Variants in WASHC4 observed in about 807,000 individuals in gnomAD.
The protein encoded by WASHC4 is WASH complex subunit 7.
A neutral mutation model predicts 166.6 loss-of-function variants in WASHC4; 86 were observed. The observed-to-expected ratio is 0.52, with a 90% CI of 0.43 to 0.62. WASHC4 has a LOEUF of 0.62. Ranked by LOEUF, WASHC4 falls within the 20% of genes least tolerant of loss-of-function variation. The pLI is 0.00. For synonymous variants in WASHC4, 446 were observed against 451.6 expected (o/e 0.99, Z 0.16); for missense variants, 1,262 against 1,382.4 (o/e 0.91, Z 1.38).
chr12:105,137,058 C>T (rs549754518), intron 14 of WASHC4, among the ~76,000 whole-genome samples: 1 of 152,172 alleles, frequency 6.6e-6, no homozygotes, highest in Non-Finnish European at 1.5e-5. Context: ...CCTTGCTAAA[C>T]TGTACATGTG....
chr12:105,166,987 GC>G lies in WASHC4; in HGVS notation c.*58del. 8.2e-7 allele frequency: 1 copy of G among 1,217,654 alleles called. No individual in the cohort carries two copies. Among genetic ancestry groups the G allele is most frequent in the Non-Finnish European group, 1.2e-6 (1 of 828,374 alleles). The allele number at this position is 1,217,654 out of a possible 1,614,324, so 75.4% of individuals were successfully genotyped here. ...AATCATCAGAATTGTTAAAACTTTT[GC>G]CAGTGGAATGGATAAACTATTGATG... On this transcript the variant is annotated 3_prime_UTR_variant, in exon 33 of 33. Transcript: ENST00000332180.
At chr12:105,149,370 A>C (rs1302069289) in intron 24 of WASHC4, 2 of 1,060,930 alleles carry the variant, frequency 1.9e-6, no homozygotes, top group African/African-American at 3.5e-5. Context: ...AATATTTTCC[A>C]CTTTTTTCTT....
chr12:105,125,931 A>T, intron 10 of WASHC4, 73 bp from the exon 11 acceptor site: 1 of 1,379,322 alleles, frequency 7.2e-7, no homozygotes, highest in Non-Finnish European at 1.0e-6. Flanking sequence ...CACTGTATTT[A>T]GTGTATGATA....
At chr12:105,130,713 C>T (rs938800556) in intron 13 of WASHC4, among the ~76,000 whole-genome samples, 4 of 151,964 alleles carry the variant, frequency 2.6e-5, no homozygotes, top group African/African-American at 4.8e-5. Flanking sequence ...ATTCCTGCCC[C>T]CATACTATAC....
chr12:105,132,787 AGTGTGTGTGT>A (rs58569487), intron 13 of WASHC4, among the ~76,000 whole-genome samples: 28,501 of 142,438 alleles, frequency 0.2, 2,876 homozygotes, highest in Middle Eastern at 0.23. Context: ...TGAAAGAGGT[AGTGTGTGTGT>A]GTGTGTGTGT....
intron 26 of WASHC4, 45 bp downstream of exon 26, chr12:105,152,496 C>G: frequency 1.0e-6 from 1 of 998,804 alleles, no homozygotes; most frequent in Non-Finnish European, 1.6e-6. Flanking sequence ...CAGATCCCTA[C>G]AGTCTATCTC....
intron 26 of WASHC4, among the ~76,000 whole-genome samples, chr12:105,155,479 GGT>G (rs9308319): frequency 1 from 152,184 of 152,188 alleles, 76,090 homozygotes; most frequent in Non-Finnish European, 1. Context: ...GTAGCAGAGG[GGT>G]GCAAGATCGA....
At chr12:105,110,975 G>A (rs1879631782) in intron 1 of WASHC4, 150 bp from the exon 2 acceptor site, 2 of 642,128 alleles carry the variant, frequency 3.1e-6, no homozygotes, top group South Asian at 3.7e-5. Flanking sequence ...CTGAATTGTT[G>A]TTTAACTTTG....
chr12:105,119,419 G>A (rs1880507936), intron 7 of WASHC4, among the ~76,000 whole-genome samples: 1 of 152,154 alleles, frequency 6.6e-6, no homozygotes, highest in South Asian at 2.1e-4. Context: ...AGAGATAACT[G>A]ATACCTGGAA....
chr12:105,166,879 G>A lies in WASHC4; in HGVS notation c.3470G>A (p.Ser1157Asn). 6.2e-7 allele frequency: 1 copy of A among 1,604,418 alleles called. No individual in the cohort carries two copies. Among genetic ancestry groups the A allele is most frequent in the Non-Finnish European group, 8.5e-7 (1 of 1,174,924 alleles). The change falls in exon 33 of 33, where the codon AGC (serine) becomes AAC (asparagine). Residue 1157 changes from serine to asparagine, a missense_variant. Physicochemically the swap from Ser to Asn is conservative, Grantham distance 46 (BLOSUM62 1). Transcript: ENST00000332180. ...ATGCTTTCAGAAGAAACTAAAACAA[G>A]CAATGGAGACCTGTCTGACAGCACT... ...KKEKEEETKT[S>N]NGDLSDSTVS...
At position 105,110,993 on chromosome 12, in the gene WASHC4, A is replaced by G. The variant is rs973316672; in HGVS notation, c.62-132A>G. On this transcript the variant is annotated intron_variant, in intron 1 of 32. Coordinates refer to ENST00000332180, the MANE Select transcript of WASHC4 (RefSeq NM_015275.3). ...AATTGTTGTTTAACTTTGGAACTTT[A>G]TTTTCAGGAAGTCCAGACATTCCAG... The G allele has an allele frequency of 1.2e-5, 8 of 682,192 alleles. 1 individual carries two copies. Among genetic ancestry groups the G allele is most frequent in the Admixed American group, 2.6e-5 (1 of 39,146 alleles). 42.3% of individuals were successfully genotyped at this position (682,192 alleles called of 1,614,324 possible).
At chr12:105,161,446 A>G (rs887403728) in intron 29 of WASHC4, among the ~76,000 whole-genome samples, 17 of 152,262 alleles carry the variant, frequency 1.1e-4, no homozygotes, top group African/African-American at 4.1e-4. Flanking sequence ...GTGAGTTCTC[A>G]CCATATTTTT....
At chr12:105,143,330 T>C in intron 20 of WASHC4, 87 bp downstream of exon 20, 1 of 751,648 alleles carries the variant, frequency 1.3e-6, no homozygotes, top group Non-Finnish European at 2.4e-6. Flanking sequence ...GCAGACTCAC[T>C]GAGTTAAAAT....
chr12:105,123,356 CT>C (rs1410197838), intron 10 of WASHC4, among the ~76,000 whole-genome samples: 1 of 152,034 alleles, frequency 6.6e-6, no homozygotes, highest in Non-Finnish European at 1.5e-5. Context: ...AGTTAGGCCT[CT>C]TGCTGTGACT....
chr12:105,115,850 A>C, intron 6 of WASHC4, 122 bp downstream of exon 6: 3 of 722,658 alleles, frequency 4.2e-6, no homozygotes, highest in Non-Finnish European at 7.6e-6. Context: ...TAAGACACTT[A>C]ATTAGCATTG....
chr12:105,150,769 C>T (rs1883692457), intron 25 of WASHC4, among the ~76,000 whole-genome samples: 1 of 152,180 alleles, frequency 6.6e-6, no homozygotes, highest in African/African-American at 2.4e-5. Flanking sequence ...AATTGACTCA[C>T]AGTTCTGCAT....
intron 25 of WASHC4, among the ~76,000 whole-genome samples, chr12:105,150,950 G>A (rs917570033): frequency 1.3e-5 from 2 of 152,012 alleles, no homozygotes; most frequent in Admixed American, 6.6e-5. Context: ...CCATGATTCA[G>A]TTATCTCCAC....
intron 22 of WASHC4, 138 bp downstream of exon 22, chr12:105,145,010 C>A: frequency 1.2e-6 from 1 of 866,232 alleles, no homozygotes; most frequent in Non-Finnish European, 1.7e-6. Flanking sequence ...AAATCTTATA[C>A]TTGACAACAG....
chr12:105,162,895 T>G, intron 30 of WASHC4, 50 bp downstream of exon 30: 2 of 921,792 alleles, frequency 2.2e-6, no homozygotes, highest in Non-Finnish European at 1.7e-6. Flanking sequence ...GACCTTGTAA[T>G]GGATTCTTAG....
Sources: allele counts gnomAD v4.1 joint callset (sites outside exome capture counted in the v4.1 genomes callset), GRCh38; gene constraint gnomAD v4.1.1; transcripts MANE v1.5; gene names NCBI Gene and HGNC (gene_info 2026-07-23, HGNC 2026-07-21).